Variants in MLH3 observed in about 807,000 individuals in gnomAD.
The protein encoded by MLH3 is DNA mismatch repair protein Mlh3.
Under a neutral mutation model 122.2 loss-of-function variants are expected in MLH3, and 82 were observed. That is an observed-to-expected ratio of 0.67 (90% CI 0.56 to 0.81). The LOEUF is 0.81. Among genes scored for constraint, MLH3 ranks in the 30% least tolerant of loss-of-function variants. MLH3 has a pLI of 0.00. For synonymous variants in MLH3, 524 were observed against 599.5 expected (o/e 0.87, Z 1.84); for missense variants, 1,539 against 1,714.5 (o/e 0.90, Z 1.81).
intron 9 of MLH3, among the ~76,000 whole-genome samples, chr14:75,029,786 C>T (rs922449193): frequency 4.6e-5 from 7 of 152,134 alleles, no homozygotes; most frequent in South Asian, 2.1e-4. Context: ...CCACCCACCA[C>T]GGCCTCCCAA....
intron 9 of MLH3, among the ~76,000 whole-genome samples, chr14:75,029,016 G>A (rs1890848745): frequency 6.6e-6 from 1 of 151,340 alleles, no homozygotes; most frequent in South Asian, 2.1e-4. Flanking sequence ...GGGGCATGGT[G>A]GTGTGCGCCT....
intron 12 of MLH3, 150 bp downstream of exon 12, chr14:75,018,679 G>A: frequency 1.2e-6 from 1 of 833,434 alleles, no homozygotes. Context: ...AATGAAATGG[G>A]TGAGGCTTTA....
chr14:75,033,385 C>T, intron 7 of MLH3, 34 bp downstream of exon 7: 2 of 1,595,628 alleles, frequency 1.3e-6, no homozygotes, highest in Non-Finnish European at 1.7e-6. Flanking sequence ...TGCTGGGAGT[C>T]TCAAATTTTT....
chr14:75,038,367 T>C lies in MLH3; in HGVS notation c.3616A>G (p.Thr1206Ala), dbSNP rs746635216. 3 of 1,613,978 alleles carry C rather than the reference T, an allele frequency of 1.9e-6. No homozygotes were observed. The South Asian group carries it at 3.3e-5, about 18-fold the overall frequency. ...GCCTCGCCATTCTCTTCAGTCTTAG[T>C]GCTCATCAAACAGGCAATAAACTTG... ...DNKFIACLMS[T>A]KTEENGEAGG... The change falls in exon 6 of 13, where the codon ACT (threonine) becomes GCT (alanine). Residue 1206 changes from threonine (T) to alanine (A), a missense_variant. Physicochemically the swap from Thr to Ala is moderately conservative, Grantham distance 58. Transcript: ENST00000355774.
chr14:75,028,834 T>C (rs1445608847), intron 9 of MLH3, among the ~76,000 whole-genome samples: 2 of 151,934 alleles, frequency 1.3e-5, no homozygotes, highest in Non-Finnish European at 2.9e-5. Flanking sequence ...ACTGTATTCT[T>C]ACAATTAAGT....
intron 6 of MLH3, 91 bp downstream of exon 6, chr14:75,038,249 T>C (rs1357633889): frequency 3.7e-5 from 34 of 918,274 alleles, no homozygotes; most frequent in Non-Finnish European, 5.7e-5. Flanking sequence ...ATCCAAATCA[T>C]TGAAACTATA....
chr14:75,049,624 G>A lies in MLH3; in HGVS notation c.32C>T (p.Ala11Val), dbSNP rs1207858644. The A allele has an allele frequency of 7.4e-6, 12 of 1,614,046 alleles. No homozygotes were observed. Among genetic ancestry groups the A allele is most frequent in the Non-Finnish European group, 8.5e-6 (10 of 1,180,040 alleles). The change falls in exon 2 of 13, where the codon GCC becomes GTC. Residue 11 changes from alanine to valine, a missense_variant. By Grantham distance (64) the Ala-to-Val change is moderately conservative. Coordinates refer to ENST00000355774, the MANE Select transcript of MLH3 (RefSeq NM_001040108.2). MIKCLSVEVQ[A>V]KLRSGLAISS... ...TATGGCCAAACCAGAACGCAATTTG[G>A]CTTGTACTTCAACTGACAAGCACTT...
At chr14:75,017,665 G>A (rs917513365) in intron 12 of MLH3, among the ~76,000 whole-genome samples, 6 of 152,212 alleles carry the variant, frequency 3.9e-5, no homozygotes, top group Admixed American at 1.3e-4. Context: ...GATCCAAGGG[G>A]ACTCAGAACT....
chr14:75,042,726 T>C (rs1277548662), intron 2 of MLH3, among the ~76,000 whole-genome samples: 1 of 152,036 alleles, frequency 6.6e-6, no homozygotes, highest in Non-Finnish European at 1.5e-5. Flanking sequence ...GTCACTGTGA[T>C]TCTCACTGGG....
chr14:75,038,619 G>C (rs1238161867), intron 5 of MLH3, among the ~76,000 whole-genome samples: 1 of 152,128 alleles, frequency 6.6e-6, no homozygotes, highest in Non-Finnish European at 1.5e-5. Context: ...GAAGATGTAA[G>C]GGGAGGGAGG....
chr14:75,047,656 C>A lies in MLH3; in HGVS notation c.2000G>T (p.Gly667Val). The A allele has an allele frequency of 1.9e-6, 3 of 1,613,952 alleles. No homozygotes were observed. Among genetic ancestry groups the A allele is most frequent in the Non-Finnish European group, 2.5e-6 (3 of 1,179,940 alleles). ...GCAATTTTTTTTGTTGGGCAATTGA[C>A]CAGATTCTTTACTTAAAGTGCTGGC... The part of the protein sequence containing the change: ...DLASTLSKES[G>V]QLPNKKNCRT... The change falls in exon 2 of 13, where the codon GGT (glycine) becomes GTT (valine). Residue 667 changes from glycine (G) to valine (V), a missense_variant. Coordinates refer to ENST00000355774, the MANE Select transcript of MLH3 (RefSeq NM_001040108.2).
chr14:75,023,601 T>C (rs931606375), intron 9 of MLH3, among the ~76,000 whole-genome samples: 8 of 152,222 alleles, frequency 5.3e-5, no homozygotes, highest in African/African-American at 1.9e-4. Context: ...TCTCTGTCCC[T>C]GGGGTAACCT....
chr14:75,043,555 T>C (rs1172812947), intron 2 of MLH3, among the ~76,000 whole-genome samples: 2 of 152,154 alleles, frequency 1.3e-5, no homozygotes, highest in African/African-American at 4.8e-5. Flanking sequence ...ATAATCAGAT[T>C]TGAGTTTTAG....
chr14:75,024,537 T>C (rs1166324304), intron 9 of MLH3, among the ~76,000 whole-genome samples: 1 of 145,668 alleles, frequency 6.9e-6, no homozygotes, highest in African/African-American at 2.6e-5. Flanking sequence ...TGAGACGTAG[T>C]CTCGTTGTTG....
At chr14:75,017,268 G>A (rs1889948594) in intron 12 of MLH3, 67 bp from the exon 13 acceptor site, 1 of 1,538,446 alleles carries the variant, frequency 6.5e-7, no homozygotes, top group African/African-American at 1.4e-5. Flanking sequence ...GCTGGGCGAG[G>A]TGACTCACAC....
intron 9 of MLH3, among the ~76,000 whole-genome samples, chr14:75,029,827 G>T (rs1327556110): frequency 6.6e-6 from 1 of 152,068 alleles, no homozygotes; most frequent in South Asian, 2.1e-4. Flanking sequence ...GAGCCACCTT[G>T]CCCAGCCTAG....
chr14:75,039,950 A>T lies in MLH3; in HGVS notation c.3531T>A (p.Tyr1177Ter), dbSNP rs2139473674. The T allele has an allele frequency of 6.3e-7, 1 of 1,595,798 alleles. No individual in the cohort carries two copies. Among genetic ancestry groups the T allele is most frequent in the Non-Finnish European group, 8.6e-7 (1 of 1,168,642 alleles). The change falls in exon 5 of 13, where the codon TAT becomes TAA. Residue 1177 changes from tyrosine (Y) to a stop codon, truncating the protein, a stop_gained. Transcript: ENST00000355774. LOFTEE classifies it high-confidence loss of function. The part of the protein sequence containing the change: ...SLAVKIHNIL[Y>*]PYRFTKGMIH... ...TCATTCCTTTGGTGAAACGATAGGGATACAAGATGTTGTGAATTTTAACTG... is the reference window on the plus strand; with the variant it reads ...TCATTCCTTTGGTGAAACGATAGGGTTACAAGATGTTGTGAATTTTAACTG...
At chr14:75,031,025 G>T (rs551342768) in intron 8 of MLH3, among the ~76,000 whole-genome samples, 16 of 152,160 alleles carry the variant, frequency 1.1e-4, no homozygotes. Context: ...ATGAAGAAAA[G>T]GTCTGAGAGT....
At chr14:75,023,652 A>C (rs1314461072) in intron 9 of MLH3, among the ~76,000 whole-genome samples, 1 of 152,240 alleles carries the variant, frequency 6.6e-6, no homozygotes, top group African/African-American at 2.4e-5. Context: ...TATTTACAAA[A>C]GAAGCTTAAA....
Sources: gnomAD v4.1 joint callset for allele counts (sites outside exome capture counted in the v4.1 genomes callset) on GRCh38, gnomAD v4.1.1 for gene constraint, MANE v1.5 for transcripts, NCBI Gene and HGNC (gene_info 2026-07-23, HGNC 2026-07-21) for gene names.